Variants in B3GALT5 observed in about 807,000 individuals in gnomAD.
B3GALT5 encodes the protein beta-1,3-galactosyltransferase 5, also known as UDP-Gal:betaGlcNAc beta 1,3-galactosyltransferase, polypeptide 5.
For synonymous variants in B3GALT5, 156 were observed against 158.6 expected (o/e 0.98, Z 0.12); for missense variants, 328 against 396.6 (o/e 0.83, Z 1.47).
intron 1 of B3GALT5, among the ~76,000 whole-genome samples, chr21:39,633,916 A>T (rs1248430817): frequency 6.6e-6 from 1 of 152,180 alleles, no homozygotes; most frequent in Admixed American, 6.6e-5. Flanking sequence ...AATGGCAAGG[A>T]TGGGGTAAAT....
intron 1 of B3GALT5, among the ~76,000 whole-genome samples, chr21:39,615,435 A>C (rs532625010): frequency 6.6e-6 from 1 of 152,366 alleles, no homozygotes; most frequent in South Asian, 2.1e-4. Context: ...GATTCATTTG[A>C]AAAACAAAAC....
At position 39,626,327 on chromosome 21, in the gene B3GALT5, T is replaced by C. The variant is rs763371990; in HGVS notation, c.-392+13260T>C. Among the ~76,000 whole-genome samples, 11 of 152,364 alleles carry C rather than the reference T, an allele frequency of 7.2e-5. 1 individual carries two copies. In the South Asian group the frequency reaches 2.3e-3, roughly 32 times the overall value. On this transcript the variant is annotated intron_variant, in intron 1 of 3. Transcript: ENST00000684187. ...ATAGCATTTTGTTTGTCTATTCATCTACCAGTGAACGCTCGGGTTGTTTTC... is the reference window on the plus strand; with the variant it reads ...ATAGCATTTTGTTTGTCTATTCATCCACCAGTGAACGCTCGGGTTGTTTTC...
chr21:39,632,213 C>G (rs1212550188), intron 1 of B3GALT5, among the ~76,000 whole-genome samples: 1 of 152,178 alleles, frequency 6.6e-6, no homozygotes, highest in African/African-American at 2.4e-5. Flanking sequence ...CCCAAGTCTT[C>G]CCTTACCCTT....
intron 1 of B3GALT5, among the ~76,000 whole-genome samples, chr21:39,639,339 T>C (rs1054583661): frequency 1.8e-3 from 199 of 108,086 alleles, no homozygotes; most frequent in Non-Finnish European, 2.2e-3. Context: ...TCTTTCTTTC[T>C]TTCTTTCTTT....
chr21:39,639,394 C>CCTTCCTTCTT, intron 1 of B3GALT5, among the ~76,000 whole-genome samples: 1 of 92,660 alleles, frequency 1.1e-5, no homozygotes, highest in Admixed American at 1.2e-4. Context: ...TTCCTTCCTT[C>CCTTCCTTCTT]TTTCTTTTTC....
intron 2 of B3GALT5, among the ~76,000 whole-genome samples, chr21:39,650,988 C>A (rs62222843): frequency 6.6e-6 from 1 of 151,884 alleles, no homozygotes; most frequent in Non-Finnish European, 1.5e-5. Context: ...AAAAAAAAAC[C>A]TTCTTCTAGA....
Position 39,659,923 on chromosome 21 carries a change from C to T in B3GALT5, c.-1+11C>T, listed in dbSNP as rs374370977. 2.4e-5 allele frequency: 24 copies of T among 984,116 alleles called. 1 individual carries two copies. The East Asian group carries it at 4.5e-4, about 19-fold the overall frequency. The allele number at this position is 984,116 out of a possible 1,614,324, so 61.0% of individuals were successfully genotyped here. A position where few individuals can be genotyped will look rare whatever the true frequency, so the allele number is the denominator to read the frequency against. On this transcript the variant is annotated intron_variant, in intron 3 of 3. Transcript: ENST00000684187. ...CTTACCCAGCAAAAAGTGAGTTATA[C>T]GCTTTCTTAATGTTATAACGTTACC...
chr21:39,628,896 G>C (rs1400816954), intron 1 of B3GALT5, among the ~76,000 whole-genome samples: 1 of 152,184 alleles, frequency 6.6e-6, no homozygotes, highest in African/African-American at 2.4e-5. Context: ...TATTTTTAGA[G>C]AAAATCAAGT....
intron 2 of B3GALT5, among the ~76,000 whole-genome samples, chr21:39,658,981 C>G (rs1245535441): frequency 6.6e-6 from 1 of 152,250 alleles, no homozygotes; most frequent in Non-Finnish European, 1.5e-5. Flanking sequence ...GTGGCTTGCC[C>G]TTGTAATTCC....
intron 1 of B3GALT5, among the ~76,000 whole-genome samples, chr21:39,622,794 T>C (rs2079140730): frequency 6.6e-6 from 1 of 152,076 alleles, no homozygotes; most frequent in African/African-American, 2.4e-5. Context: ...TTCTCTTTTC[T>C]TCATTTTTTC....
chr21:39,656,282 G>T (rs1464777271), intron 2 of B3GALT5, among the ~76,000 whole-genome samples: 1 of 152,168 alleles, frequency 6.6e-6, no homozygotes, highest in Non-Finnish European at 1.5e-5. Context: ...GCGGTGGTGA[G>T]AATCTCCAAG....
At position 39,672,231 on chromosome 21, in the gene B3GALT5, C is replaced by G. The variant is rs1263219680; in HGVS notation, c.*10739C>G. On this transcript the variant is annotated 3_prime_UTR_variant, in exon 4 of 4. Transcript: ENST00000684187. ...GTCTGTTGGCTCAGGGGTCCAGTCC[C>G]TGGGTCCCCGAAGAGGTAAGCCAAA... is the stretch of plus-strand genomic sequence containing the variant. 1.3e-5 allele frequency: 2 copies of G among 152,248 alleles called. No homozygotes were observed. Among genetic ancestry groups the G allele is most frequent in the African/African-American group, 4.8e-5 (2 of 41,466 alleles). 9.4% of individuals were successfully genotyped at this position (152,248 alleles called of 1,614,324 possible). A position where few individuals can be genotyped will look rare whatever the true frequency, so the allele number is the denominator to read the frequency against.
chr21:39,647,303 C>T (rs1319266745), intron 2 of B3GALT5, among the ~76,000 whole-genome samples: 1 of 152,186 alleles, frequency 6.6e-6, no homozygotes, highest in East Asian at 1.9e-4. Flanking sequence ...AAGATGGCTT[C>T]GTGTAGCACA....
Position 39,615,934 on chromosome 21 carries a change from G to T in B3GALT5, c.-392+2867G>T, listed in dbSNP as rs147799495. On this transcript the variant is annotated intron_variant, in intron 1 of 3. Coordinates refer to ENST00000684187, the MANE Select transcript of B3GALT5 (RefSeq NM_001356336.2). ...TGGAAAGAAGGAAACAAAACTAGTTGTTTCTTATTGAATTTTAAAAAATAA... is the reference window on the plus strand; with the variant it reads ...TGGAAAGAAGGAAACAAAACTAGTTTTTTCTTATTGAATTTTAAAAAATAA... 2.2e-3 allele frequency among the ~76,000 whole-genome samples: 330 copies of T among 152,292 alleles called. 6 individuals carry two copies. The East Asian group carries it at 0.029, about 14-fold the overall frequency.
intron 1 of B3GALT5, among the ~76,000 whole-genome samples, chr21:39,643,434 GA>G (rs2079308813): frequency 1.4e-5 from 2 of 143,010 alleles, no homozygotes; most frequent in African/African-American, 2.6e-5. Flanking sequence ...AAAAAAAAAA[GA>G]AAAAGAAAAG....
intron 1 of B3GALT5, among the ~76,000 whole-genome samples, chr21:39,617,538 C>A (rs1315325030): frequency 6.6e-6 from 1 of 152,156 alleles, no homozygotes; most frequent in Non-Finnish European, 1.5e-5. Flanking sequence ...AGAATTCTCT[C>A]ACTATCAGGA....
At position 39,661,120 on chromosome 21, in the gene B3GALT5, T is replaced by A; in HGVS notation, c.561T>A (p.Asn187Lys). ...TRFFTGFLKL[N>K]EFPIRQPFSK... ...TTTTCACTGGCTTCTTGAAACTCAA[T>A]GAGTTTCCCATCAGGCAGCCATTCA... Residue 187 changes from asparagine to lysine, a missense_variant, in exon 4 of 4, where the codon AAT (asparagine) becomes AAA (lysine). Asn to Lys is a moderately conservative substitution (Grantham distance 94). Transcript: ENST00000684187. This position sits in a 1 kb window ranked among gnomAD's most constrained non-coding sequence, Gnocchi z 4.7. 6.2e-7 allele frequency: 1 copy of A among 1,614,110 alleles called. No individual in the cohort carries two copies. The highest frequency in any genetic ancestry group is 8.5e-7 in the Non-Finnish European group (1 of 1,179,962).
At chr21:39,626,919 C>T (rs1382201480) in intron 1 of B3GALT5, among the ~76,000 whole-genome samples, 1 of 152,196 alleles carries the variant, frequency 6.6e-6, no homozygotes, top group African/African-American at 2.4e-5. Flanking sequence ...TCATTATTCT[C>T]CAGCAGTCAT....
chr21:39,664,443 G>A lies in B3GALT5; in HGVS notation c.*2951G>A, dbSNP rs897940084. Reference sequence around the variant, plus strand: ...CAGCTCCTGATGTGGCCTCACTCTCGTCCTACCACCTGCTGTCCCCTCTGC... The same window carrying A: ...CAGCTCCTGATGTGGCCTCACTCTCATCCTACCACCTGCTGTCCCCTCTGC... On this transcript the variant is annotated 3_prime_UTR_variant, in exon 4 of 4. Coordinates refer to ENST00000684187, the MANE Select transcript of B3GALT5 (RefSeq NM_001356336.2). 6.5e-6 allele frequency: 1 copy of A among 152,682 alleles called. No homozygotes were observed. The highest frequency in any genetic ancestry group is 2.4e-5 in the African/African-American group (1 of 41,376). The allele number at this position is 152,682 out of a possible 1,614,324, so 9.5% of individuals were successfully genotyped here. A position where few individuals can be genotyped will look rare whatever the true frequency, so the allele number is the denominator to read the frequency against.
Sources: gnomAD v4.1 joint callset for allele counts (sites outside exome capture counted in the v4.1 genomes callset) on GRCh38, gnomAD v4.1.1 for gene constraint, Gnocchi (gnomAD v3.1) non-coding constraint, MANE v1.5 for transcripts, NCBI Gene and HGNC (gene_info 2026-07-23, HGNC 2026-07-21) for gene names.